RRM1: variants seen among roughly 807,000 people sequenced by gnomAD.
RRM1 encodes ribonucleotide reductase catalytic subunit M1, also known as ribonucleoside-diphosphate reductase large subunit.
RRM1 carries 19 observed loss-of-function variants against 101.5 expected under a neutral mutation model. The observed-to-expected ratio is 0.19, with a 90% CI of 0.13 to 0.27. The LOEUF (loss-of-function observed/expected upper bound fraction) is 0.27, where lower values mean the gene tolerates loss of function less well. Among genes scored for constraint, RRM1 ranks in the 10% least tolerant of loss-of-function variants. RRM1 has a pLI of 1.00. For missense variants in RRM1, 500 were observed against 962.9 expected (o/e 0.52, Z 6.36); for synonymous variants, 298 against 323.4 (o/e 0.92, Z 0.84).
chr11:4,121,508 A>C (rs2094581888), intron 9 of RRM1, 96 bp from the exon 10 acceptor site: 1 of 750,184 alleles, frequency 1.3e-6, no homozygotes, highest in Admixed American at 2.9e-5. Context: ...CATTGTAGTG[A>C]AAATCAAAGG....
rs2094602053 is a variant in RRM1, at chr11:4,132,454, T to C, written c.1905+33T>C. ...GTTCACAACCAGCCTTACAGGGAGA[T>C]CTTTCAAAAGCCTGATGTTGGGAGT... is the stretch of plus-strand genomic sequence containing the variant. On this transcript the variant is annotated intron_variant, in intron 16 of 18. Transcript: ENST00000300738. The surrounding 1 kb of genome is among the most constrained non-coding windows in gnomAD (Gnocchi z 4.1). 2.5e-6 allele frequency: 4 copies of C among 1,610,446 alleles called. No homozygotes were observed. Among genetic ancestry groups the C allele is most frequent in the Admixed American group, 1.7e-5 (1 of 59,810 alleles).
chr11:4,133,427 A>G, intron 16 of RRM1, 136 bp from the exon 17 acceptor site: 1 of 550,240 alleles, frequency 1.8e-6, no homozygotes, highest in Admixed American at 3.5e-5. Flanking sequence ...TCTCGTCTTT[A>G]TAAAAGATAG....
chr11:4,131,903 A>T (rs1179516064), intron 15 of RRM1, among the ~76,000 whole-genome samples: 1 of 152,144 alleles, frequency 6.6e-6, no homozygotes, highest in Admixed American at 6.5e-5. Context: ...GATGAGTGTA[A>T]CCTAATACAG....
chr11:4,123,409 A>G, intron 12 of RRM1, 25 bp downstream of exon 12: 2 of 1,553,798 alleles, frequency 1.3e-6, no homozygotes, highest in Admixed American at 1.7e-5. Flanking sequence ...TTCTTCCTAG[A>G]GTACTAAGAA....
At chr11:4,117,065 G>A (rs1482862726) in intron 7 of RRM1, among the ~76,000 whole-genome samples, 5 of 152,130 alleles carry the variant, frequency 3.3e-5, no homozygotes, top group African/African-American at 1.2e-4. Context: ...AACTTGATTG[G>A]CTAATAAACG....
chr11:4,114,022 C>T (rs1404093411), intron 7 of RRM1, among the ~76,000 whole-genome samples: 2 of 152,016 alleles, frequency 1.3e-5, no homozygotes, highest in Admixed American at 1.3e-4. Context: ...GTAGTCCCAG[C>T]GACTCAGGAG....
chr11:4,114,182 G>C (rs2094569517), intron 7 of RRM1, among the ~76,000 whole-genome samples: 1 of 152,064 alleles, frequency 6.6e-6, no homozygotes, highest in South Asian at 2.1e-4. Flanking sequence ...TGATACATCT[G>C]TATAGGACAG....
intron 11 of RRM1, 22 bp from the exon 12 acceptor site, chr11:4,123,161 T>C: frequency 6.3e-7 from 1 of 1,586,976 alleles, no homozygotes; most frequent in East Asian, 2.2e-5. Flanking sequence ...ATATATTAAA[T>C]AATATTATCT....
chr11:4,103,041 T>G (rs2094553634), intron 2 of RRM1, among the ~76,000 whole-genome samples: 1 of 152,218 alleles, frequency 6.6e-6, no homozygotes, highest in East Asian at 1.9e-4. Context: ...CGTCTCCTTA[T>G]TTAGGTATCT....
At chr11:4,124,279 C>T (rs1377054658) in intron 12 of RRM1, among the ~76,000 whole-genome samples, 1 of 151,922 alleles carries the variant, frequency 6.6e-6, no homozygotes, top group African/African-American at 2.4e-5. Flanking sequence ...AGAGGTTAGC[C>T]TAGGGAGATT....
chr11:4,129,417 C>T (rs1264142346), intron 15 of RRM1, among the ~76,000 whole-genome samples: 2 of 152,192 alleles, frequency 1.3e-5, no homozygotes, highest in East Asian at 3.9e-4. Flanking sequence ...GGACTTAACA[C>T]ACCTAGATTA....
intron 12 of RRM1, 28 bp downstream of exon 12, chr11:4,123,412 AC>A (rs2094584736): frequency 1.9e-6 from 3 of 1,543,948 alleles, no homozygotes; most frequent in South Asian, 1.1e-5. Flanking sequence ...TTCCTAGAGT[AC>A]TAAGAAGAGA....
chr11:4,137,773 G>A (rs866698137), intron 18 of RRM1, among the ~76,000 whole-genome samples: 1 of 23,480 alleles, frequency 4.3e-5, no homozygotes, highest in African/African-American at 1.2e-4. Flanking sequence ...CTCACCTCCC[G>A]GACGGGGCGG....
At chr11:4,124,343 C>T (rs1164320384) in intron 12 of RRM1, among the ~76,000 whole-genome samples, 2 of 151,116 alleles carry the variant, frequency 1.3e-5, no homozygotes, top group East Asian at 1.9e-4. Flanking sequence ...ACTATGGAAA[C>T]GAGGAAGGAG....
At position 4,137,571 on chromosome 11, in the gene RRM1, C is replaced by T. The variant is rs1460235793; in HGVS notation, c.2191-624C>T. Among the ~76,000 whole-genome samples, 53 of 18,284 alleles carry T rather than the reference C, an allele frequency of 2.9e-3. 13 individuals carry two copies. The highest frequency in any genetic ancestry group is 7.4e-3 in the African/African-American group (51 of 6,910). 12.0% of individuals were successfully genotyped at this position (18,284 alleles called of 152,430 possible). A position where few individuals can be genotyped will look rare whatever the true frequency, so the allele number is the denominator to read the frequency against. On this transcript the variant is annotated intron_variant, in intron 18 of 18. Transcript: ENST00000300738. ...CTCCTCACTTCCCAGTAGGGGCGGCCGGGCAGAGGGGCCCCTCACCTCCCG... is the reference window on the plus strand; with the variant it reads ...CTCCTCACTTCCCAGTAGGGGCGGCTGGGCAGAGGGGCCCCTCACCTCCCG...
chr11:4,131,506 A>G (rs960444063), intron 15 of RRM1, among the ~76,000 whole-genome samples: 3 of 152,252 alleles, frequency 2.0e-5, no homozygotes, highest in Admixed American at 1.3e-4. Flanking sequence ...GAAAACAAGT[A>G]GTTAAGGTAT....
intron 10 of RRM1, 97 bp downstream of exon 10, chr11:4,121,862 G>A: frequency 1.7e-6 from 2 of 1,155,150 alleles, no homozygotes; most frequent in Non-Finnish European, 2.4e-6. Context: ...GCCCATATGT[G>A]TGTGATGCCA....
intron 15 of RRM1, among the ~76,000 whole-genome samples, chr11:4,130,090 T>C (rs71457991): frequency 1.7e-5 from 1 of 59,516 alleles, no homozygotes; most frequent in Non-Finnish European, 2.8e-5. Context: ...ATATATATTT[T>C]TTTTTTTTTT....
At chr11:4,100,360 G>C (rs1047863293) in intron 1 of RRM1, among the ~76,000 whole-genome samples, 1 of 152,202 alleles carries the variant, frequency 6.6e-6, no homozygotes, top group Non-Finnish European at 1.5e-5. Flanking sequence ...TATTCAAAAT[G>C]CTTGGGCCCA....
Sources: gnomAD v4.1 joint callset for allele counts (sites outside exome capture counted in the v4.1 genomes callset) on GRCh38, gnomAD v4.1.1 for gene constraint, Gnocchi (gnomAD v3.1) non-coding constraint, MANE v1.5 for transcripts, NCBI Gene and HGNC (gene_info 2026-07-23, HGNC 2026-07-21) for gene names.